Variants in FANCC observed in about 807,000 individuals in gnomAD.
FANCC encodes the protein Fanconi anemia group C protein.
Under a neutral mutation model 71.3 loss-of-function variants are expected in FANCC, and 55 were observed. The observed-to-expected ratio is 0.77, with a 90% confidence interval of 0.62 to 0.97. FANCC has a LOEUF of 0.97. Ranked by LOEUF, FANCC falls within the 50% of genes least tolerant of loss-of-function variation. The pLI is 0.00. For missense variants in FANCC, 678 were observed against 670.9 expected (o/e 1.01, Z -0.12); for synonymous variants, 275 against 244.9 (o/e 1.12, Z -1.15).
At chr9:95,207,581 T>C (rs977982894) in intron 4 of FANCC, among the ~76,000 whole-genome samples, 3 of 152,068 alleles carry the variant, frequency 2.0e-5, no homozygotes, top group African/African-American at 7.2e-5. Context: ...AGATGCAACA[T>C]TGCCCATCTC....
intron 6 of FANCC, among the ~76,000 whole-genome samples, chr9:95,157,361 T>A (rs1830508953): frequency 6.6e-6 from 1 of 152,214 alleles, no homozygotes; most frequent in Non-Finnish European, 1.5e-5. Flanking sequence ...GGGCTTTAAA[T>A]AGAGTTTCAC....
intron 4 of FANCC, among the ~76,000 whole-genome samples, chr9:95,237,886 AT>A (rs1674887826): frequency 6.6e-6 from 1 of 152,256 alleles, no homozygotes; most frequent in African/African-American, 2.4e-5. Context: ...TGTTGAAATG[AT>A]GGTATTTGGA....
At chr9:95,172,196 G>C (rs1333709067) in intron 4 of FANCC, 49 bp from the exon 5 acceptor site, 2 of 1,242,898 alleles carry the variant, frequency 1.6e-6, no homozygotes, top group Non-Finnish European at 2.4e-6. Context: ...GTAAATGCAA[G>C]TGCCTTTTAT....
At chr9:95,279,757 G>C (rs1037221889) in intron 1 of FANCC, among the ~76,000 whole-genome samples, 1 of 152,032 alleles carries the variant, frequency 6.6e-6, no homozygotes, top group African/African-American at 2.4e-5. Flanking sequence ...AGACCAGCCT[G>C]GCTAACATAA....
chr9:95,117,652 C>T (rs2072534558), intron 10 of FANCC, among the ~76,000 whole-genome samples: 1 of 151,466 alleles, frequency 6.6e-6, no homozygotes, highest in Admixed American at 6.6e-5. Flanking sequence ...CACATGAACC[C>T]AATTATACAA....
rs756644571 is a variant in FANCC, at chr9:95,149,548, G to A, written c.686+375C>T. Reference sequence around the variant, plus strand: ...GGCTGGAGTGCAGTGGCACAATCTCGGCTCACTGCAATCTCCGCCTCCCAG... The same window carrying A: ...GGCTGGAGTGCAGTGGCACAATCTCAGCTCACTGCAATCTCCGCCTCCCAG... On this transcript the variant is annotated intron_variant, in intron 7 of 14. Transcript: ENST00000289081. 3.6e-4 allele frequency among the ~76,000 whole-genome samples: 54 copies of A among 151,098 alleles called. 1 individual carries two copies. Among genetic ancestry groups the A allele is most frequent in the Non-Finnish European group, 2.1e-4 (14 of 67,878 alleles).
At chr9:95,111,147 C>T in intron 13 of FANCC, 1 of 1,534,890 alleles carries the variant, frequency 6.5e-7, no homozygotes, top group Non-Finnish European at 8.7e-7. Flanking sequence ...CAGGGCACGC[C>T]TTGGAGGACG....
At chr9:95,230,201 T>C (rs562786841) in intron 4 of FANCC, among the ~76,000 whole-genome samples, 1 of 152,312 alleles carries the variant, frequency 6.6e-6, no homozygotes, top group East Asian at 1.9e-4. Context: ...TCCAGCCTAG[T>C]GAAAGAGGTC....
At chr9:95,186,227 A>C (rs1826696924) in intron 4 of FANCC, among the ~76,000 whole-genome samples, 1 of 152,206 alleles carries the variant, frequency 6.6e-6, no homozygotes, top group Admixed American at 6.5e-5. Flanking sequence ...CCCCTTAATA[A>C]GGCTGTTGAA....
At chr9:95,178,093 G>A (rs1438007619) in intron 4 of FANCC, among the ~76,000 whole-genome samples, 2 of 151,606 alleles carry the variant, frequency 1.3e-5, no homozygotes, top group African/African-American at 4.9e-5. Context: ...TGTATTTAAT[G>A]TGTGGACCAA....
chr9:95,133,415 AT>A (rs1827201413), intron 8 of FANCC, among the ~76,000 whole-genome samples: 1 of 152,246 alleles, frequency 6.6e-6, no homozygotes, highest in Non-Finnish European at 1.5e-5. Flanking sequence ...TGCACACATG[AT>A]CCCGATAAAA....
intron 7 of FANCC, among the ~76,000 whole-genome samples, chr9:95,148,751 A>C (rs1829896625): frequency 6.6e-6 from 1 of 152,254 alleles, no homozygotes. Context: ...TTGAAAGTGC[A>C]AGACAGACCA....
At chr9:95,208,976 G>A (rs1430480086) in intron 4 of FANCC, among the ~76,000 whole-genome samples, 2 of 152,172 alleles carry the variant, frequency 1.3e-5, no homozygotes, top group Admixed American at 6.5e-5. Context: ...AAACACAGAT[G>A]TTTTACTCAT....
At chr9:95,185,066 A>G (rs1261005927) in intron 4 of FANCC, among the ~76,000 whole-genome samples, 1 of 152,240 alleles carries the variant, frequency 6.6e-6, no homozygotes, top group African/African-American at 2.4e-5. Flanking sequence ...ATTTCTTTCC[A>G]TATTATGACA....
intron 4 of FANCC, among the ~76,000 whole-genome samples, chr9:95,187,531 T>C (rs1041416842): frequency 6.6e-6 from 1 of 152,194 alleles, no homozygotes; most frequent in Non-Finnish European, 1.5e-5. Flanking sequence ...GAGACCTCAA[T>C]CTGAATTATC....
At chr9:95,138,577 C>T (rs1162648296) in intron 7 of FANCC, among the ~76,000 whole-genome samples, 8 of 152,226 alleles carry the variant, frequency 5.3e-5, no homozygotes, top group Non-Finnish European at 8.8e-5. Flanking sequence ...TTCCTCATGC[C>T]TTATCTTTTT....
chr9:95,149,531 T>G (rs959719426), intron 7 of FANCC, among the ~76,000 whole-genome samples: 36 of 151,698 alleles, frequency 2.4e-4, no homozygotes, highest in African/African-American at 8.7e-4. Flanking sequence ...CAGGCTGGAG[T>G]GCAGTGGCAC....
chr9:95,188,761 C>T (rs1276157460), intron 4 of FANCC, among the ~76,000 whole-genome samples: 1 of 152,154 alleles, frequency 6.6e-6, no homozygotes, highest in East Asian at 1.9e-4. Flanking sequence ...TTTATGTCCA[C>T]TCCTCCCGAA....
intron 4 of FANCC, among the ~76,000 whole-genome samples, chr9:95,228,410 C>T (rs1829765975): frequency 6.6e-6 from 1 of 152,228 alleles, no homozygotes; most frequent in African/African-American, 2.4e-5. Context: ...TGGCCATGGT[C>T]AACTTTGTCC....
Sources: allele counts gnomAD v4.1 joint callset (sites outside exome capture counted in the v4.1 genomes callset), GRCh38; gene constraint gnomAD v4.1.1; transcripts MANE v1.5; gene names NCBI Gene and HGNC (gene_info 2026-07-23, HGNC 2026-07-21).